CDC42SE2: variants seen among roughly 807,000 people sequenced by gnomAD.
The protein encoded by CDC42SE2 is CDC42 small effector protein 2.
In CDC42SE2, 3 loss-of-function variants were observed where a neutral mutation model predicts 11.5. The ratio of observed to expected loss-of-function variants is 0.26; its 90% CI spans 0.12 to 0.67. CDC42SE2 has a LOEUF of 0.67. CDC42SE2 is among the 30% of genes least tolerant of loss of function. CDC42SE2 has a pLI of 0.80. For missense variants in CDC42SE2, 82 were observed against 106.8 expected (o/e 0.77, Z 1.02); for synonymous variants, 33 against 34.8 (o/e 0.95, Z 0.18).
chr5:131,321,339 A>C (rs1447857062), intron 2 of CDC42SE2, among the ~76,000 whole-genome samples: 1 of 152,184 alleles, frequency 6.6e-6, no homozygotes, highest in Non-Finnish European at 1.5e-5. Context: ...TGCAGCCTTT[A>C]AAACTTAAAA....
At chr5:131,257,634 TG>T (rs1364935671) in intron 2 of CDC42SE2, among the ~76,000 whole-genome samples, 1 of 151,974 alleles carries the variant, frequency 6.6e-6, no homozygotes, top group Non-Finnish European at 1.5e-5. Flanking sequence ...CGCACCACCA[TG>T]CCTGGCTAAT....
At chr5:131,281,919 T>G (rs1757245005) in intron 1 of CDC42SE2, among the ~76,000 whole-genome samples, 1 of 152,192 alleles carries the variant, frequency 6.6e-6, no homozygotes, top group South Asian at 2.1e-4. Context: ...GCATTTGGCT[T>G]GTAGAATAAG....
chr5:131,385,785 A>AAG (rs2149789047), intron 4 of CDC42SE2, 141 bp downstream of exon 4: 1 of 483,912 alleles, frequency 2.1e-6, no homozygotes, highest in African/African-American at 1.9e-5. Flanking sequence ...ATGAGCATAG[A>AAG]AGAGAGAAGC....
intron 2 of CDC42SE2, among the ~76,000 whole-genome samples, chr5:131,345,645 A>G (rs1758821824): frequency 6.6e-6 from 1 of 152,212 alleles, no homozygotes; most frequent in Non-Finnish European, 1.5e-5. Flanking sequence ...GGAAATACAG[A>G]GAATGCCACA....
intron 2 of CDC42SE2, among the ~76,000 whole-genome samples, chr5:131,330,779 A>G (rs1032101441): frequency 6.6e-6 from 1 of 151,202 alleles, no homozygotes; most frequent in African/African-American, 2.4e-5. Context: ...CACTTTGGGA[A>G]GCCAAAGCAA....
chr5:131,301,610 T>C (rs1465387266), intron 1 of CDC42SE2, among the ~76,000 whole-genome samples: 1 of 151,720 alleles, frequency 6.6e-6, no homozygotes, highest in East Asian at 1.9e-4. Context: ...ATATAAAAAT[T>C]AGCCGGGCGT....
intron 2 of CDC42SE2, among the ~76,000 whole-genome samples, chr5:131,330,562 A>C (rs1758400339): frequency 6.6e-6 from 1 of 152,138 alleles, no homozygotes; most frequent in South Asian, 2.1e-4. Flanking sequence ...GTGGTTCCCA[A>C]CTGGGGGAAT....
upstream of CDC42SE2, among the ~76,000 whole-genome samples, chr5:131,242,732 A>AT (rs1377624715): frequency 6.6e-6 from 1 of 152,146 alleles, no homozygotes; most frequent in Non-Finnish European, 1.5e-5. Flanking sequence ...TTAGGTGGCT[A>AT]TGTTGGTCTA....
intron 1 of CDC42SE2, among the ~76,000 whole-genome samples, chr5:131,246,024 A>T (rs1206893355): frequency 1.3e-5 from 2 of 152,224 alleles, no homozygotes; most frequent in East Asian, 1.9e-4. Context: ...GAATTCTTTC[A>T]TATTGAGAAT....
rs186835902 is a variant in CDC42SE2, at chr5:131,282,631, T to A, written c.-455+18465T>A. Among the ~76,000 whole-genome samples, 383 of 152,246 alleles carry A rather than the reference T, an allele frequency of 2.5e-3. 2 individuals are homozygous for A. Among genetic ancestry groups the A allele is most frequent in the African/African-American group, 8.6e-3 (358 of 41,544 alleles). ...TAATTCACATAAAAAATCACCTTTT[T>A]AAAATTATTATTATTGAGATGGAAT... On this transcript the variant is annotated intron_variant, in intron 1 of 4. Transcript: ENST00000505065.
chr5:131,307,614 T>C (rs1339394258), intron 1 of CDC42SE2, among the ~76,000 whole-genome samples: 3 of 152,202 alleles, frequency 2.0e-5, no homozygotes, highest in South Asian at 2.1e-4. Context: ...ATGGTATTTC[T>C]AGTTCTAGAT....
intron 4 of CDC42SE2, among the ~76,000 whole-genome samples, chr5:131,387,022 T>A (rs1475143794): frequency 6.6e-6 from 1 of 152,234 alleles, no homozygotes; most frequent in African/African-American, 2.4e-5. Context: ...AGTACTTTGT[T>A]TCACTTGACT....
At chr5:131,331,377 A>G (rs1758416319) in intron 2 of CDC42SE2, among the ~76,000 whole-genome samples, 1 of 152,222 alleles carries the variant, frequency 6.6e-6, no homozygotes, top group African/African-American at 2.4e-5. Flanking sequence ...ATAATTTAAA[A>G]TAACATTGAA....
At chr5:131,325,575 G>T (rs1484337811) in intron 2 of CDC42SE2, among the ~76,000 whole-genome samples, 3 of 151,772 alleles carry the variant, frequency 2.0e-5, no homozygotes, top group African/African-American at 7.3e-5. Flanking sequence ...ATAGCAAATG[G>T]TATAATATGT....
chr5:131,286,128 C>T (rs186004061), intron 1 of CDC42SE2, among the ~76,000 whole-genome samples: 1 of 149,302 alleles, frequency 6.7e-6, no homozygotes, highest in East Asian at 2.0e-4. Context: ...GATCTTGGCT[C>T]ACTGCAGCCT....
At chr5:131,284,851 T>A (rs1345270910) in intron 1 of CDC42SE2, among the ~76,000 whole-genome samples, 4 of 152,198 alleles carry the variant, frequency 2.6e-5, no homozygotes, top group Admixed American at 2.0e-4. Flanking sequence ...AGTAAAAGAA[T>A]AGTTTTTTTA....
At chr5:131,364,450 A>G (rs752411771) in intron 3 of CDC42SE2, among the ~76,000 whole-genome samples, 1 of 152,246 alleles carries the variant, frequency 6.6e-6, no homozygotes, top group Non-Finnish European at 1.5e-5. Context: ...ATGAGGTCTA[A>G]GAGGTAACCA....
At chr5:131,254,116 C>T (rs550582627) in intron 1 of CDC42SE2, among the ~76,000 whole-genome samples, 14 of 152,214 alleles carry the variant, frequency 9.2e-5, no homozygotes, top group African/African-American at 2.4e-4. Context: ...ACATGTGCCA[C>T]GTTGGTTTGC....
chr5:131,256,692 G>GT (rs1369896733), intron 2 of CDC42SE2, among the ~76,000 whole-genome samples: 1 of 152,204 alleles, frequency 6.6e-6, no homozygotes, highest in East Asian at 1.9e-4. Flanking sequence ...TGTCAGCCAA[G>GT]GGCCACTTTC....
Sources: gnomAD v4.1 joint callset for allele counts (sites outside exome capture counted in the v4.1 genomes callset) on GRCh38, gnomAD v4.1.1 for gene constraint, MANE v1.5 for transcripts, NCBI Gene and HGNC (gene_info 2026-07-23, HGNC 2026-07-21) for gene names.